DLG2: variants seen among roughly 807,000 people sequenced by gnomAD.
The protein encoded by DLG2 is disks large homolog 2.
In DLG2, 45 loss-of-function variants were observed where a neutral mutation model predicts 132.5. The ratio of observed to expected loss-of-function variants is 0.34; its 90% confidence interval spans 0.27 to 0.44. DLG2 has a LOEUF of 0.44. Among genes scored for constraint, DLG2 ranks in the 20% least tolerant of loss-of-function variants. The pLI is 1.00. For missense variants in DLG2, 1,045 were observed against 1,196.9 expected (o/e 0.87, Z 1.87); for synonymous variants, 424 against 419.6 (o/e 1.01, Z -0.13).
At chr11:83,851,923 A>G (rs976871948) in intron 16 of DLG2, among the ~76,000 whole-genome samples, 1 of 147,912 alleles carries the variant, frequency 6.8e-6, no homozygotes, top group Non-Finnish European at 1.5e-5. Context: ...CGTCTCTTAA[A>G]AAAAAAAAAA....
intron 6 of DLG2, among the ~76,000 whole-genome samples, chr11:84,621,274 T>C (rs749183612): frequency 6.6e-6 from 1 of 152,070 alleles, no homozygotes; most frequent in Non-Finnish European, 1.5e-5. Flanking sequence ...TATAAAAAAA[T>C]TCAATGTAGA....
rs147270283 is a variant in DLG2 at position 84,183,231 on chromosome 11, C to T, written c.574-19720G>A. Among the ~76,000 whole-genome samples, 4 of 152,272 alleles carry T rather than the reference C, an allele frequency of 2.6e-5. No homozygotes were observed. In the East Asian group the frequency reaches 7.7e-4, roughly 29 times the overall value. ...GAGAAGCACAAAAAATACTTTCTAA[C>T]TCATAAATACTTTCTAACTCATAAA... On this transcript the variant is annotated intron_variant, in intron 8 of 27. Coordinates refer to ENST00000376104, the MANE Select transcript of DLG2 (RefSeq NM_001142699.3).
intron 7 of DLG2, among the ~76,000 whole-genome samples, chr11:84,433,527 G>A (rs80261944): frequency 0.032 from 4,936 of 152,262 alleles, 134 homozygotes; most frequent in South Asian, 0.15. Context: ...TCCCAGCCAG[G>A]CAATCTGGAT....
intron 19 of DLG2, among the ~76,000 whole-genome samples, chr11:83,602,089 A>G (rs1326670855): frequency 6.6e-6 from 1 of 152,182 alleles, no homozygotes; most frequent in African/African-American, 2.4e-5. Context: ...GGAATAAATC[A>G]TGGACAGAGG....
rs1197895519 is a variant in DLG2 at position 83,457,262 on chromosome 11, C to T, written c.*2556G>A. On this transcript the variant is annotated 3_prime_UTR_variant, in exon 28 of 28. Coordinates refer to ENST00000376104, the MANE Select transcript of DLG2 (RefSeq NM_001142699.3). The stretch of plus-strand genomic sequence containing the variant: ...ACTTTCATGCCATTTCCATACAAGT[C>T]ATCAGATTTGCTGCAAAATACACCA... 6.6e-6 allele frequency: 1 copy of T among 152,570 alleles called. No individual in the cohort carries two copies. Among genetic ancestry groups the T allele is most frequent in the Non-Finnish European group, 1.5e-5 (1 of 68,034 alleles). The allele number at this position is 152,570 out of a possible 1,614,324, so 9.5% of individuals were successfully genotyped here.
intron 21 of DLG2, among the ~76,000 whole-genome samples, chr11:83,527,234 A>G (rs987819765): frequency 1.3e-5 from 2 of 152,138 alleles, no homozygotes; most frequent in African/African-American, 4.8e-5. Flanking sequence ...ACCCAGTTCA[A>G]TTTACTTCTT....
intron 4 of DLG2, among the ~76,000 whole-genome samples, chr11:85,156,873 T>C (rs2077625498): frequency 6.6e-6 from 1 of 152,248 alleles, no homozygotes; most frequent in Non-Finnish European, 1.5e-5. Flanking sequence ...TTTGTTCATC[T>C]ATCTATGCAT....
At chr11:84,609,663 T>C (rs2099591926) in intron 6 of DLG2, among the ~76,000 whole-genome samples, 1 of 152,150 alleles carries the variant, frequency 6.6e-6, no homozygotes, top group Non-Finnish European at 1.5e-5. Context: ...AATGAAACCT[T>C]TGATTACTGA....
intron 6 of DLG2, among the ~76,000 whole-genome samples, chr11:84,778,474 C>T (rs531885703): frequency 2.0e-5 from 3 of 152,216 alleles, no homozygotes; most frequent in Admixed American, 1.3e-4. Flanking sequence ...ATTGCTTTTT[C>T]TAATTCTGTG....
intron 6 of DLG2, among the ~76,000 whole-genome samples, chr11:84,536,648 G>A (rs2099356259): frequency 6.6e-6 from 1 of 152,066 alleles, no homozygotes; most frequent in Non-Finnish European, 1.5e-5. Context: ...TAACTCCCAC[G>A]TCTGCTCCAC....
chr11:84,618,920 C>CAA (rs1199384024), intron 6 of DLG2, among the ~76,000 whole-genome samples: 1 of 151,842 alleles, frequency 6.6e-6, no homozygotes, highest in East Asian at 1.9e-4. Context: ...AAAATATCAA[C>CAA]AAATCCACTA....
At chr11:84,639,344 CTG>C (rs1475533137) in intron 6 of DLG2, among the ~76,000 whole-genome samples, 1 of 124,530 alleles carries the variant, frequency 8.0e-6, no homozygotes, top group African/African-American at 3.3e-5. Flanking sequence ...TTGCAGATAT[CTG>C]TGTTTTTTTT....
chr11:85,529,655 C>A (rs1418150519), intron 3 of DLG2, among the ~76,000 whole-genome samples: 1 of 152,150 alleles, frequency 6.6e-6, no homozygotes, highest in Non-Finnish European at 1.5e-5. Context: ...TCATACCCAC[C>A]ATTTACCTTT....
At chr11:83,845,378 C>T (rs979433347) in intron 16 of DLG2, among the ~76,000 whole-genome samples, 5 of 152,164 alleles carry the variant, frequency 3.3e-5, no homozygotes, top group African/African-American at 1.2e-4. Flanking sequence ...TTGATTACAA[C>T]CTTCTTATAT....
intron 7 of DLG2, among the ~76,000 whole-genome samples, chr11:84,523,157 G>A (rs1325933113): frequency 4.6e-5 from 7 of 152,228 alleles, no homozygotes; most frequent in African/African-American, 1.4e-4. Flanking sequence ...CTTAAATTTA[G>A]ATTTGTTCTT....
At chr11:85,400,061 C>T (rs570877618) in intron 3 of DLG2, among the ~76,000 whole-genome samples, 269 of 151,628 alleles carry the variant, frequency 1.8e-3, no homozygotes, top group African/African-American at 6.2e-3. Flanking sequence ...CCAGAATCTA[C>T]AAAGAACTCA....
intron 3 of DLG2, among the ~76,000 whole-genome samples, chr11:85,314,929 A>G (rs566170055): frequency 2.6e-5 from 4 of 151,998 alleles, no homozygotes; most frequent in South Asian, 4.1e-4. Context: ...CAGCCCACCA[A>G]TGGTTATTTC....
intron 7 of DLG2, among the ~76,000 whole-genome samples, chr11:84,345,371 C>T (rs2098534860): frequency 6.6e-6 from 1 of 152,168 alleles, no homozygotes; most frequent in Non-Finnish European, 1.5e-5. Context: ...CTTAACAAAG[C>T]ATATTCAAGG....
At chr11:84,827,699 G>C (rs1241688290) in intron 6 of DLG2, among the ~76,000 whole-genome samples, 6 of 36,728 alleles carry the variant, frequency 1.6e-4, no homozygotes, top group African/African-American at 3.2e-4. Context: ...AAAAAAAAAA[G>C]CCCAGGTCAG....
Sources: gnomAD v4.1 joint callset for allele counts (sites outside exome capture counted in the v4.1 genomes callset) on GRCh38, gnomAD v4.1.1 for gene constraint, MANE v1.5 for transcripts, NCBI Gene and HGNC (gene_info 2026-07-23, HGNC 2026-07-21) for gene names.